Variants in TRIP4 observed in about 807,000 individuals in gnomAD.
TRIP4 encodes the protein activating signal cointegrator 1.
A neutral mutation model predicts 81.8 loss-of-function variants in TRIP4; 54 were observed. The observed-to-expected ratio is 0.66, with a 90% CI of 0.53 to 0.83. The LOEUF is 0.83. Among genes scored for constraint, TRIP4 ranks in the 40% least tolerant of loss-of-function variants. The pLI is 0.00. For synonymous variants in TRIP4, 270 were observed against 242.8 expected, an observed-to-expected ratio of 1.11 and a Z score of -1.04; for missense variants, 662 against 683.6, an observed-to-expected ratio of 0.97 and a Z score of 0.35.
rs189589053 is a variant in TRIP4 at position 64,425,516 on chromosome 15, A to G, written c.1484-24A>G. On this transcript the variant is annotated intron_variant, in intron 10 of 12. Transcript: ENST00000261884. ...GATCACAAAGAAGGAAATTTATTCA[A>G]TATTTTTGTTATTCCTGATTCAGAT... 1,642 of 1,586,124 alleles carry G rather than the reference A, an allele frequency of 1.0e-3. 1 individual carries two copies. The highest frequency in any genetic ancestry group is 1.3e-3 in the Non-Finnish European group (1,539 of 1,161,818).
At chr15:64,424,832 G>A (rs976009658) in intron 10 of TRIP4, among the ~76,000 whole-genome samples, 1 of 152,088 alleles carries the variant, frequency 6.6e-6, no homozygotes, top group African/African-American at 2.4e-5. Flanking sequence ...CTGGAGTGCA[G>A]TGGCGCCATT....
chr15:64,424,769 A>G lies in TRIP4; in HGVS notation c.1483+614A>G, dbSNP rs189262559. 4.4e-4 allele frequency among the ~76,000 whole-genome samples: 67 copies of G among 152,160 alleles called. 1 individual carries two copies. In the East Asian group the frequency reaches 8.9e-3, roughly 20 times the overall value. On this transcript the variant is annotated intron_variant, in intron 10 of 12. Coordinates refer to ENST00000261884, the MANE Select transcript of TRIP4 (RefSeq NM_016213.5). ...AATAAAAAGTTCATGCTTCCTTAAA[A>G]GCACTTTTCTTTTTTATTTTTTTTT...
intron 6 of TRIP4, among the ~76,000 whole-genome samples, chr15:64,408,937 A>G (rs1891697048): frequency 1.3e-5 from 2 of 152,198 alleles, no homozygotes; most frequent in Non-Finnish European, 2.9e-5. Context: ...ATAGTTGGCC[A>G]GGCACAGTGG....
At chr15:64,409,970 A>C (rs1484145069) in intron 7 of TRIP4, 142 bp downstream of exon 7, 1 of 740,206 alleles carries the variant, frequency 1.4e-6, no homozygotes, top group Admixed American at 3.0e-5. Flanking sequence ...AATAGCTAAG[A>C]AAAAATGTTT....
At chr15:64,435,213 C>A (rs1202257498) in intron 11 of TRIP4, among the ~76,000 whole-genome samples, 233 of 50,366 alleles carry the variant, frequency 4.6e-3, no homozygotes, top group South Asian at 0.031. Flanking sequence ...GACCCCATCT[C>A]AAAAAAAAAA....
rs1900000530 is a variant in TRIP4 at position 64,388,021 on chromosome 15, C to T, written c.101+57C>T. 2.8e-5 allele frequency: 42 copies of T among 1,482,914 alleles called. No individual in the cohort carries two copies. In the South Asian group the frequency reaches 5.3e-4, roughly 19 times the overall value. 91.9% of individuals were successfully genotyped at this position (1,482,914 alleles called of 1,614,324 possible). A position where few individuals can be genotyped will look rare whatever the true frequency, so the allele number is the denominator to read the frequency against. The stretch of plus-strand genomic sequence containing the variant: ...AGCTCTGGGATGTGCACTGCCTGAG[C>T]GAACCGGGAAGCGGGGAGGACTGAA... On this transcript the variant is annotated intron_variant, in intron 1 of 12. Coordinates refer to ENST00000261884, the MANE Select transcript of TRIP4 (RefSeq NM_016213.5).
intron 8 of TRIP4, among the ~76,000 whole-genome samples, chr15:64,416,871 G>T (rs1351009899): frequency 4.6e-5 from 7 of 152,118 alleles, no homozygotes; most frequent in African/African-American, 1.7e-4. Context: ...TCATAAAATT[G>T]TATGGCAGAA....
At chr15:64,416,347 G>A (rs1891890702) in intron 8 of TRIP4, among the ~76,000 whole-genome samples, 1 of 152,176 alleles carries the variant, frequency 6.6e-6, no homozygotes, top group African/African-American at 2.4e-5. Context: ...AAGTGGCTGT[G>A]TAATTAGAGG....
rs1198962222 is a variant in TRIP4 at position 64,400,814 on chromosome 15, C to G, written c.690C>G (p.Leu230=). The part of the protein sequence containing the change: ...SNKSQKLLKK[L]MSGVENSGKV... ...AGAGCCAGAAACTGCTAAAGAAACT[C>G]ATGTCAGGTAGACAGCAGTCTTGTA... The change falls in exon 5 of 13, where the codon CTC becomes CTG. Residue 230 remains leucine (L), a synonymous_variant. Transcript: ENST00000261884. The G allele has an allele frequency of 1.2e-6, 2 of 1,613,766 alleles. No homozygotes were observed. Among genetic ancestry groups the G allele is most frequent in the African/African-American group, 2.7e-5 (2 of 75,038 alleles).
intron 9 of TRIP4, among the ~76,000 whole-genome samples, chr15:64,421,191 A>G (rs1280720011): frequency 6.6e-6 from 1 of 151,094 alleles, no homozygotes. Flanking sequence ...CTGAGGCAGG[A>G]GAATTTCTTG....
chr15:64,401,137 T>C (rs553919914), intron 5 of TRIP4, among the ~76,000 whole-genome samples: 27 of 146,342 alleles, frequency 1.8e-4, no homozygotes, highest in East Asian at 1.8e-3. Context: ...AATATTTACT[T>C]TTTTTTTTTT....
intron 6 of TRIP4, among the ~76,000 whole-genome samples, chr15:64,407,523 C>G (rs1199877934): frequency 6.6e-6 from 1 of 152,040 alleles, no homozygotes; most frequent in East Asian, 1.9e-4. Flanking sequence ...AAAAATTAGC[C>G]AAGCGTGGTG....
intron 12 of TRIP4, among the ~76,000 whole-genome samples, chr15:64,449,868 A>G (rs904721670): frequency 1.3e-5 from 2 of 152,194 alleles, no homozygotes; most frequent in African/African-American, 4.8e-5. Context: ...TTCCTATGAG[A>G]GTTATATCAA....
At chr15:64,444,447 A>T (rs1892579050) in intron 11 of TRIP4, among the ~76,000 whole-genome samples, 1 of 152,232 alleles carries the variant, frequency 6.6e-6, no homozygotes, top group Non-Finnish European at 1.5e-5. Flanking sequence ...AATTGCTCTA[A>T]CCAGTTACCT....
intron 11 of TRIP4, among the ~76,000 whole-genome samples, chr15:64,439,009 A>G (rs1044528500): frequency 1.3e-5 from 2 of 152,174 alleles, no homozygotes; most frequent in Non-Finnish European, 1.5e-5. Flanking sequence ...ATGTGACTTG[A>G]ATTGGGTTAC....
chr15:64,387,893 G>T lies in TRIP4; in HGVS notation c.30G>T (p.Glu10Asp), dbSNP rs1319124335. The change falls in exon 1 of 13, where the codon GAG (glutamate) becomes GAT (aspartate). Residue 10 changes from glutamate to aspartate, a missense_variant. By Grantham distance (45) the Glu-to-Asp change is conservative. Coordinates refer to ENST00000261884, the MANE Select transcript of TRIP4 (RefSeq NM_016213.5). The stretch of plus-strand genomic sequence containing the variant: ...CGGTGGCTGGGGCGGTGTCCGGGGA[G>T]CCGCTGGTGCACTGGTGCACCCAGC... MAVAGAVSG[E>D]PLVHWCTQQL... is the part of the protein sequence containing the mutation. 1.3e-6 allele frequency: 2 copies of T among 1,549,396 alleles called. No homozygotes were observed. The highest frequency in any genetic ancestry group is 1.2e-5 in the South Asian group (1 of 83,980).
intron 12 of TRIP4, among the ~76,000 whole-genome samples, chr15:64,449,834 T>C (rs1892714299): frequency 6.6e-6 from 1 of 152,232 alleles, no homozygotes; most frequent in African/African-American, 2.4e-5. Flanking sequence ...ATGCACCTTA[T>C]ATCTTTTGCA....
At chr15:64,439,183 G>C (rs1289282664) in intron 11 of TRIP4, among the ~76,000 whole-genome samples, 1 of 152,196 alleles carries the variant, frequency 6.6e-6, no homozygotes, top group East Asian at 1.9e-4. Flanking sequence ...TGGGGTGGTA[G>C]TTATCCTGTG....
chr15:64,399,385 CA>C (rs770762202), intron 4 of TRIP4, among the ~76,000 whole-genome samples: 12 of 152,294 alleles, frequency 7.9e-5, no homozygotes, highest in Non-Finnish European at 7.3e-5. Context: ...CTCTTTAGAG[CA>C]AGCTCTTATA....
Sources: gnomAD v4.1 joint callset for allele counts (sites outside exome capture counted in the v4.1 genomes callset) on GRCh38, gnomAD v4.1.1 for gene constraint, MANE v1.5 for transcripts, NCBI Gene and HGNC (gene_info 2026-07-23, HGNC 2026-07-21) for gene names.